BNC2: variants seen among roughly 807,000 people sequenced by gnomAD.
BNC2 encodes the protein zinc finger protein basonuclin-2.
Under a neutral mutation model 76.3 loss-of-function variants are expected in BNC2, and 20 were observed. That is an observed-to-expected ratio of 0.26 (90% CI 0.18 to 0.38). BNC2 has a LOEUF of 0.38. Ranked by LOEUF, BNC2 falls within the 10% of genes least tolerant of loss-of-function variation. The pLI, the probability that BNC2 is intolerant of heterozygous loss-of-function variation, is 1.00. For missense variants in BNC2, 1,382 were observed against 1,399.8 expected (o/e 0.99, Z 0.20); for synonymous variants, 582 against 514.8 (o/e 1.13, Z -1.77).
At chr9:16,646,157 C>A (rs1445482447) in intron 3 of BNC2, among the ~76,000 whole-genome samples, 1 of 152,198 alleles carries the variant, frequency 6.6e-6, no homozygotes, top group Non-Finnish European at 1.5e-5. Flanking sequence ...CTGGAGGTCA[C>A]CATTCCTTCT....
intron 3 of BNC2, among the ~76,000 whole-genome samples, chr9:16,584,849 T>G (rs2133080644): frequency 6.6e-6 from 1 of 152,248 alleles, no homozygotes; most frequent in South Asian, 2.1e-4. Context: ...GGACAGCATT[T>G]CCACTAAAAA....
intron 1 of BNC2, among the ~76,000 whole-genome samples, chr9:16,824,886 T>C (rs1256900291): frequency 6.6e-6 from 1 of 152,014 alleles, no homozygotes; most frequent in Non-Finnish European, 1.5e-5. Context: ...GCATAGATTG[T>C]TTGGGAGGGG....
intron 6 of BNC2, among the ~76,000 whole-genome samples, chr9:16,428,493 T>G (rs1820843148): frequency 6.6e-6 from 1 of 152,222 alleles, no homozygotes; most frequent in Non-Finnish European, 1.5e-5. Flanking sequence ...TGATCTGTCT[T>G]TTGATATTCT....
At chr9:16,561,501 G>C (rs1185022904) in intron 4 of BNC2, among the ~76,000 whole-genome samples, 1 of 152,120 alleles carries the variant, frequency 6.6e-6, no homozygotes, top group African/African-American at 2.4e-5. Flanking sequence ...CCAATTTCCA[G>C]ATCTTGCAGT....
At chr9:16,855,785 T>A (rs1395902970) in intron 1 of BNC2, among the ~76,000 whole-genome samples, 1 of 151,804 alleles carries the variant, frequency 6.6e-6, no homozygotes, top group Non-Finnish European at 1.5e-5. Flanking sequence ...CCTGACCCCA[T>A]GATCTGCCTG....
intron 5 of BNC2, among the ~76,000 whole-genome samples, chr9:16,544,789 G>A (rs1245529986): frequency 2.1e-5 from 3 of 144,022 alleles, no homozygotes; most frequent in Non-Finnish European, 4.5e-5. Context: ...CAGCCTGGGA[G>A]ACAGAGTGAG....
At chr9:16,455,945 T>A (rs911926289) in intron 5 of BNC2, among the ~76,000 whole-genome samples, 3 of 152,194 alleles carry the variant, frequency 2.0e-5, no homozygotes, top group East Asian at 1.9e-4. Flanking sequence ...CTTGCCTTAT[T>A]CCAACTTTTA....
intron 3 of BNC2, among the ~76,000 whole-genome samples, chr9:16,604,144 C>T (rs1474962903): frequency 6.6e-6 from 1 of 152,154 alleles, no homozygotes; most frequent in Non-Finnish European, 1.5e-5. Context: ...AAACCACTAA[C>T]AACTACCTGC....
chr9:16,806,862 G>C (rs1447623610), intron 1 of BNC2, among the ~76,000 whole-genome samples: 2 of 152,130 alleles, frequency 1.3e-5, no homozygotes, highest in East Asian at 3.9e-4. Flanking sequence ...ACTGAGAATA[G>C]AAACTCTCTC....
intron 1 of BNC2, among the ~76,000 whole-genome samples, chr9:16,837,472 C>A (rs1818733735): frequency 6.6e-6 from 1 of 152,176 alleles, no homozygotes; most frequent in Non-Finnish European, 1.5e-5. Flanking sequence ...CCACTGCACT[C>A]CAGCCTGGGC....
chr9:16,738,235 G>T, intron 2 of BNC2, 125 bp downstream of exon 2: 1 of 1,060,228 alleles, frequency 9.4e-7, no homozygotes, highest in East Asian at 2.5e-5. Context: ...CATAGAATGA[G>T]GATAAGTATG....
chr9:16,665,474 G>GAAAGAAAA (rs1563888021), intron 3 of BNC2, among the ~76,000 whole-genome samples: 1 of 140,844 alleles, frequency 7.1e-6, no homozygotes, highest in African/African-American at 2.8e-5. Flanking sequence ...AAGAAAGAAA[G>GAAAGAAAA]AAAGAAAGAA....
intron 5 of BNC2, among the ~76,000 whole-genome samples, chr9:16,508,061 C>T (rs1243845987): frequency 6.6e-6 from 1 of 152,196 alleles, no homozygotes; most frequent in Non-Finnish European, 1.5e-5. Flanking sequence ...GAAATACTTT[C>T]TCTGCCACAA....
At chr9:16,854,247 T>G (rs1186556647) in intron 1 of BNC2, among the ~76,000 whole-genome samples, 2 of 152,216 alleles carry the variant, frequency 1.3e-5, no homozygotes, top group Non-Finnish European at 2.9e-5. Flanking sequence ...CAATGTGAAA[T>G]TAAAGGTACA....
chr9:16,419,669 G>A lies in BNC2; in HGVS notation c.2640-20C>T, dbSNP rs1382759569. 2 of 699,726 alleles carry A rather than the reference G, an allele frequency of 2.9e-6. No homozygotes were observed. Among genetic ancestry groups the A allele is most frequent in the South Asian group, 1.4e-5 (1 of 72,624 alleles). The allele number at this position is 699,726 out of a possible 1,614,324, so 43.3% of individuals were successfully genotyped here. On this transcript the variant is annotated intron_variant, in intron 6 of 6. Coordinates refer to ENST00000380672, the MANE Select transcript of BNC2 (RefSeq NM_017637.6). ...CTGTGTCTAGGAAAACAAGAGGGAAGGGGGGGTACGTGGATGGGGGGTGGG... is the reference window on the plus strand; with the variant it reads ...CTGTGTCTAGGAAAACAAGAGGGAAAGGGGGGTACGTGGATGGGGGGTGGG...
At chr9:16,672,328 T>G (rs1247463157) in intron 3 of BNC2, among the ~76,000 whole-genome samples, 1 of 152,094 alleles carries the variant, frequency 6.6e-6, no homozygotes, top group East Asian at 1.9e-4. Context: ...AAACCCCGTC[T>G]CTACTAAAAA....
At chr9:16,561,643 T>C (rs533512561) in intron 4 of BNC2, among the ~76,000 whole-genome samples, 2 of 152,290 alleles carry the variant, frequency 1.3e-5, no homozygotes, top group South Asian at 2.1e-4. Context: ...TTATATTCTA[T>C]ATGGTACACT....
chr9:16,712,459 T>G (rs912015430), intron 3 of BNC2, among the ~76,000 whole-genome samples: 30 of 152,318 alleles, frequency 2.0e-4, no homozygotes, highest in African/African-American at 3.1e-4. Flanking sequence ...CATCTTAGAG[T>G]ATTATTGCAC....
At chr9:16,593,492 T>A (rs1437103183) in intron 3 of BNC2, among the ~76,000 whole-genome samples, 1 of 152,062 alleles carries the variant, frequency 6.6e-6, no homozygotes, top group African/African-American at 2.4e-5. Flanking sequence ...AAAATACCCA[T>A]GCTTCTATGG....
Sources: gnomAD v4.1 joint callset for allele counts (sites outside exome capture counted in the v4.1 genomes callset) on GRCh38, gnomAD v4.1.1 for gene constraint, MANE v1.5 for transcripts, NCBI Gene and HGNC (gene_info 2026-07-23, HGNC 2026-07-21) for gene names.